Variants in RAB37 observed in about 807,000 individuals in gnomAD.
RAB37 encodes the protein RAB37, member RAS oncogene family.
Under a neutral mutation model 33.1 loss-of-function variants are expected in RAB37, and 29 were observed. The observed-to-expected ratio is 0.88, with a 90% CI of 0.65 to 1.20. The LOEUF is 1.20. RAB37 is among the 50% of genes most tolerant of loss of function. The pLI is 0.00. For missense variants in RAB37, 299 were observed against 301.1 expected (o/e 0.99, Z 0.05); for synonymous variants, 128 against 119.5 (o/e 1.07, Z -0.47).
intron 1 of RAB37, among the ~76,000 whole-genome samples, chr17:74,705,940 G>T (rs2143805264): frequency 6.6e-6 from 1 of 152,246 alleles, no homozygotes; most frequent in Non-Finnish European, 1.5e-5. Context: ...CATGTCCTTT[G>T]CAGCAACATG....
intron 1 of RAB37, among the ~76,000 whole-genome samples, chr17:74,717,848 G>A (rs1015129049): frequency 4.7e-5 from 7 of 150,328 alleles, no homozygotes; most frequent in Admixed American, 2.0e-4. Context: ...AAAGAAAGGT[G>A]CCAGAGAGCT....
chr17:74,714,057 A>G (rs1055701713), intron 1 of RAB37, among the ~76,000 whole-genome samples: 2 of 152,002 alleles, frequency 1.3e-5, no homozygotes, highest in African/African-American at 4.8e-5. Context: ...TAAAAAATAC[A>G]AAAATTAGCT....
At chr17:74,708,645 G>T (rs764354659) in intron 1 of RAB37, among the ~76,000 whole-genome samples, 3 of 152,278 alleles carry the variant, frequency 2.0e-5, no homozygotes, top group East Asian at 1.9e-4. Context: ...GGCTGGACGC[G>T]GTGGCTTACA....
chr17:74,706,969 A>G (rs1270126730), intron 1 of RAB37, among the ~76,000 whole-genome samples: 1 of 152,216 alleles, frequency 6.6e-6, no homozygotes, highest in African/African-American at 2.4e-5. Flanking sequence ...TTATCTCACA[A>G]CATATACAAA....
intron 1 of RAB37, among the ~76,000 whole-genome samples, chr17:74,691,864 C>T (rs903768185): frequency 6.6e-6 from 1 of 151,232 alleles, no homozygotes; most frequent in Non-Finnish European, 1.5e-5. Flanking sequence ...TTATGTTATG[C>T]CATTTTTTTT....
intron 1 of RAB37, among the ~76,000 whole-genome samples, chr17:74,739,249 T>C (rs1236168853): frequency 1.3e-5 from 2 of 152,198 alleles, no homozygotes; most frequent in African/African-American, 4.8e-5. Context: ...AGACCCCTGT[T>C]ATCCAAGATT....
chr17:74,724,676 G>A, intron 1 of RAB37, among the ~76,000 whole-genome samples: 1 of 152,230 alleles, frequency 6.6e-6, no homozygotes, highest in Middle Eastern at 3.2e-3. Flanking sequence ...GCAATGTTTT[G>A]CGGGCAGGGA....
chr17:74,741,018 C>G (rs2034601913), intron 2 of RAB37, 140 bp downstream of exon 2: 1 of 679,568 alleles, frequency 1.5e-6, no homozygotes, highest in Non-Finnish European at 2.6e-6. Context: ...CCCGCTCCCC[C>G]AAGACCACAG....
chr17:74,722,358 A>T (rs2034254278), intron 1 of RAB37, among the ~76,000 whole-genome samples: 1 of 152,146 alleles, frequency 6.6e-6, no homozygotes, highest in Admixed American at 6.5e-5. Context: ...TGGCAAGTCC[A>T]AACTCTGTAG....
intron 1 of RAB37, among the ~76,000 whole-genome samples, chr17:74,675,921 A>G (rs1221716072): frequency 6.6e-6 from 1 of 152,140 alleles, no homozygotes; most frequent in East Asian, 1.9e-4. Flanking sequence ...TGGAGTTTTT[A>G]AATAGAGTTG....
upstream of RAB37, chr17:74,736,704 A>G: frequency 6.5e-7 from 1 of 1,535,744 alleles, no homozygotes; most frequent in South Asian, 1.2e-5. Flanking sequence ...AGAGGCCCCA[A>G]AACACCGCAG....
intron 1 of RAB37, among the ~76,000 whole-genome samples, chr17:74,688,970 C>G (rs1337163832): frequency 1.3e-5 from 2 of 152,152 alleles, no homozygotes; most frequent in African/African-American, 4.8e-5. Flanking sequence ...TTGCTAATAA[C>G]TACACATTTA....
chr17:74,741,016 C>G (rs2034601846), intron 2 of RAB37, 138 bp downstream of exon 2: 1 of 680,858 alleles, frequency 1.5e-6, no homozygotes, highest in Admixed American at 2.4e-5. Flanking sequence ...AACCCGCTCC[C>G]CCAAGACCAC....
intron 1 of RAB37, among the ~76,000 whole-genome samples, chr17:74,711,116 C>T (rs545422951): frequency 3.7e-4 from 57 of 152,140 alleles, no homozygotes; most frequent in African/African-American, 1.2e-3. Context: ...TGTTTTAAAA[C>T]GATAAATTAT....
At chr17:74,685,668 T>A (rs2032039641) in intron 1 of RAB37, among the ~76,000 whole-genome samples, 1 of 152,082 alleles carries the variant, frequency 6.6e-6, no homozygotes, top group Non-Finnish European at 1.5e-5. Context: ...CTTCTCCTTA[T>A]CCCTCCCTAG....
At chr17:74,727,974 T>C (rs563358279) in intron 1 of RAB37, among the ~76,000 whole-genome samples, 7 of 152,244 alleles carry the variant, frequency 4.6e-5, no homozygotes, top group Middle Eastern at 6.8e-3. Flanking sequence ...CCTGTGTATA[T>C]GTGTCTGTGT....
At chr17:74,708,744 G>GCCA (rs1567798381) in intron 1 of RAB37, among the ~76,000 whole-genome samples, 2 of 152,042 alleles carry the variant, frequency 1.3e-5, no homozygotes, top group African/African-American at 4.8e-5. Flanking sequence ...GTGAAACCCT[G>GCCA]TCTCTACTAA....
intron 1 of RAB37, among the ~76,000 whole-genome samples, chr17:74,697,422 C>T (rs2032600375): frequency 6.6e-6 from 1 of 152,178 alleles, no homozygotes; most frequent in Non-Finnish European, 1.5e-5. Flanking sequence ...GCACTTAGAC[C>T]TTAGGCCGTG....
At chr17:74,711,594 C>T (rs955029841) in intron 1 of RAB37, among the ~76,000 whole-genome samples, 5 of 152,220 alleles carry the variant, frequency 3.3e-5, no homozygotes, top group Non-Finnish European at 5.9e-5. Context: ...CAAAGCCGTG[C>T]TGACCTCCCT....
Sources: allele counts gnomAD v4.1 joint callset (sites outside exome capture counted in the v4.1 genomes callset), GRCh38; gene constraint gnomAD v4.1.1; transcripts MANE v1.5; gene names NCBI Gene and HGNC (gene_info 2026-07-23, HGNC 2026-07-21).